The following TOGARAM1 variants were observed in gnomAD, a reference collection of about 807,000 sequenced individuals.
The protein encoded by TOGARAM1 is TOG array regulator of axonemal microtubules protein 1.
TOGARAM1 carries 100 observed loss-of-function variants against 166.6 expected under a neutral mutation model. The observed-to-expected ratio is 0.60, with a 90% confidence interval of 0.51 to 0.71. The LOEUF is 0.71. Ranked by LOEUF, TOGARAM1 falls within the 30% of genes least tolerant of loss-of-function variation. TOGARAM1 has a pLI of 0.00. For missense variants in TOGARAM1, 2,029 were observed against 2,102.7 expected (o/e 0.96, Z 0.69); for synonymous variants, 758 against 763.8 (o/e 0.99, Z 0.13).
intron 4 of TOGARAM1, among the ~76,000 whole-genome samples, chr14:45,005,620 A>C (rs1887915363): frequency 6.6e-6 from 1 of 152,192 alleles, no homozygotes; most frequent in Admixed American, 6.5e-5. Flanking sequence ...GTCTCAAAAA[A>C]TAAATAAATA....
At chr14:45,071,823 A>C in intron 19 of TOGARAM1, 25 bp downstream of exon 19, 1 of 1,551,702 alleles carries the variant, frequency 6.4e-7, no homozygotes, top group South Asian at 1.2e-5. Context: ...ATTTCTAAAG[A>C]AATATTTTAT....
intron 7 of TOGARAM1, among the ~76,000 whole-genome samples, chr14:45,012,336 G>T (rs748675415): frequency 1.3e-5 from 2 of 152,160 alleles, no homozygotes; most frequent in Non-Finnish European, 2.9e-5. Context: ...GATTTTTTAT[G>T]TAGTTGGTGT....
rs140661949 is a variant in TOGARAM1 at position 45,008,852 on chromosome 14, A to G, written c.2905-61A>G. ...AGCTAATGGAGTTTAAAATTTAAGG[A>G]TAACTTTTACCAATATAAGGAATTT... On this transcript the variant is annotated intron_variant, in intron 5 of 19. Transcript: ENST00000361462. 2.8e-4 allele frequency: 382 copies of G among 1,373,910 alleles called. 2 individuals carry two copies. In the East Asian group the frequency reaches 8.4e-3, roughly 30 times the overall value. 85.1% of individuals were successfully genotyped at this position (1,373,910 alleles called of 1,614,324 possible). A position where few individuals can be genotyped will look rare whatever the true frequency, so the allele number is the denominator to read the frequency against.
chr14:45,004,464 A>G (rs995631047), intron 4 of TOGARAM1, 98 bp downstream of exon 4: 6 of 856,520 alleles, frequency 7.0e-6, no homozygotes, highest in African/African-American at 6.8e-5. Flanking sequence ...AGTAAACTAC[A>G]TTTTATCTGT....
chr14:45,025,634 A>C lies in TOGARAM1; in HGVS notation c.3239-149A>C, dbSNP rs1880790457. 3 of 541,220 alleles carry C rather than the reference A, an allele frequency of 5.5e-6. No homozygotes were observed. The Admixed American group carries it at 1.1e-4, about 19-fold the overall frequency. 33.5% of individuals were successfully genotyped at this position (541,220 alleles called of 1,614,324 possible). A position where few individuals can be genotyped will look rare whatever the true frequency, so the allele number is the denominator to read the frequency against. On this transcript the variant is annotated intron_variant, in intron 7 of 19. Coordinates refer to ENST00000361462, the MANE Select transcript of TOGARAM1 (RefSeq NM_001308120.2). ...TCTAGTATTGCAGTTACAAACATTT[A>C]TAATGACTTAATGAACGTGTGAATA...
chr14:45,070,987 T>C (rs1362937545), intron 18 of TOGARAM1, among the ~76,000 whole-genome samples: 1 of 152,214 alleles, frequency 6.6e-6, no homozygotes, highest in African/African-American at 2.4e-5. Flanking sequence ...AATGGCATGA[T>C]CTCAGCTCAC....
At chr14:45,031,396 A>G (rs566646751) in intron 10 of TOGARAM1, among the ~76,000 whole-genome samples, 36 of 152,182 alleles carry the variant, frequency 2.4e-4, no homozygotes, top group Admixed American at 3.9e-4. Context: ...CATCTGGAAA[A>G]TGCTTGGTCA....
At position 45,027,384 on chromosome 14, in the gene TOGARAM1, T is replaced by G; in HGVS notation, c.3414T>G (p.Ile1138Met). The change falls in exon 9 of 20, where the codon ATT (isoleucine) becomes ATG (methionine). Residue 1138 changes from isoleucine to methionine, a missense_variant. Ile to Met is a conservative substitution (Grantham distance 10). Around this residue, in one of 2 missense-constraint regions of TOGARAM1, gnomAD observed 1,453 missense variants for 1,432.2 expected, o/e 1.01. Coordinates refer to ENST00000361462, the MANE Select transcript of TOGARAM1 (RefSeq NM_001308120.2). ...TGGAAAATGGGGATACATTTTCAAT[T>G]AAACAAAGTATTGAACCACCATCAG... ...SSVENGDTFS[I>M]KQSIEPPSGI... The G allele has an allele frequency of 6.2e-7, 1 of 1,613,694 alleles. No individual in the cohort carries two copies.
intron 1 of TOGARAM1, among the ~76,000 whole-genome samples, chr14:44,983,803 A>C (rs1886652991): frequency 6.6e-6 from 1 of 152,244 alleles, no homozygotes. Context: ...TGATGCATGA[A>C]GAGTTTTAAA....
intron 7 of TOGARAM1, among the ~76,000 whole-genome samples, chr14:45,017,870 A>G (rs1441039343): frequency 6.6e-6 from 1 of 152,054 alleles, no homozygotes; most frequent in Non-Finnish European, 1.5e-5. Flanking sequence ...GACAAGTGAA[A>G]CTCTGTCTCA....
chr14:45,011,420 C>T (rs796811755), intron 6 of TOGARAM1, among the ~76,000 whole-genome samples: 10 of 152,282 alleles, frequency 6.6e-5, no homozygotes, highest in African/African-American at 2.2e-4. Context: ...TCAGGTGATC[C>T]TCCCACCTCG....
At chr14:44,986,140 T>C (rs1309134470) in intron 1 of TOGARAM1, among the ~76,000 whole-genome samples, 1 of 152,218 alleles carries the variant, frequency 6.6e-6, no homozygotes, top group East Asian at 1.9e-4. Flanking sequence ...TTAAGTTAAT[T>C]AGGTTTTTCT....
chr14:44,963,076 A>G lies in TOGARAM1; in HGVS notation c.655A>G (p.Ile219Val), dbSNP rs753701888. 2.3e-5 allele frequency: 37 copies of G among 1,614,096 alleles called. No individual in the cohort carries two copies. In the South Asian group the frequency reaches 3.8e-4, roughly 17 times the overall value. ...TCCTGGAGAGGTGCTGAGAACGCTT[A>G]TACAACAAGGACTGGAAAGTACCGA... ...RSPGEVLRTLIQQGLESTDAR... is the reference protein window; with the variant it reads ...RSPGEVLRTLVQQGLESTDAR... The change falls in exon 1 of 20, where the codon ATA (isoleucine) becomes GTA (valine). Residue 219 changes from isoleucine (I) to valine (V), a missense_variant. By Grantham distance (29) the Ile-to-Val change is conservative (BLOSUM62 3). Around this residue, in one of 2 missense-constraint regions of TOGARAM1, gnomAD observed 1,453 missense variants for 1,432.2 expected, o/e 1.01. Transcript: ENST00000361462.
intron 6 of TOGARAM1, among the ~76,000 whole-genome samples, chr14:45,011,546 C>A (rs1416781291): frequency 6.6e-6 from 1 of 152,054 alleles, no homozygotes; most frequent in African/African-American, 2.4e-5. Context: ...ACTTCCTGGG[C>A]TCAAGTGATC....
At chr14:44,999,122 T>G (rs1887570591) in intron 2 of TOGARAM1, among the ~76,000 whole-genome samples, 1 of 152,014 alleles carries the variant, frequency 6.6e-6, no homozygotes, top group Non-Finnish European at 1.5e-5. Context: ...TTGCAGATAT[T>G]CTTCAACATA....
intron 1 of TOGARAM1, among the ~76,000 whole-genome samples, chr14:44,975,252 C>A (rs1886115903): frequency 6.6e-6 from 1 of 152,068 alleles, no homozygotes; most frequent in Non-Finnish European, 1.5e-5. Flanking sequence ...TGCCCCCCCA[C>A]CAGGTGAAAG....
At chr14:45,001,709 C>T (rs556457200) in intron 3 of TOGARAM1, among the ~76,000 whole-genome samples, 1 of 152,254 alleles carries the variant, frequency 6.6e-6, no homozygotes, top group Admixed American at 6.5e-5. Context: ...TTGAAAATAA[C>T]ATTATCCATT....
intron 1 of TOGARAM1, among the ~76,000 whole-genome samples, chr14:44,970,594 G>A (rs1885829500): frequency 6.6e-6 from 1 of 152,108 alleles, no homozygotes. Flanking sequence ...GCAGTGATGA[G>A]AGAGGACATC....
At chr14:45,055,362 T>C (rs1331749803) in intron 16 of TOGARAM1, among the ~76,000 whole-genome samples, 2 of 152,236 alleles carry the variant, frequency 1.3e-5, no homozygotes, top group Admixed American at 6.5e-5. Context: ...GTTGTAGATA[T>C]GTGGCTTTAT....
Sources: gnomAD v4.1 joint callset for allele counts (sites outside exome capture counted in the v4.1 genomes callset) on GRCh38, gnomAD v4.1.1 for gene constraint, gnomAD v4.1.1 regional missense constraint, MANE v1.5 for transcripts, NCBI Gene and HGNC (gene_info 2026-07-23, HGNC 2026-07-21) for gene names.